DSCAM: variants seen among roughly 807,000 people sequenced by gnomAD.
DSCAM encodes DS cell adhesion molecule.
DSCAM carries 47 observed loss-of-function variants against 217.7 expected under a neutral mutation model. The ratio of observed to expected loss-of-function variants is 0.22; its 90% CI spans 0.17 to 0.28. The LOEUF (loss-of-function observed/expected upper bound fraction) is 0.28. Ranked by LOEUF, DSCAM falls within the 10% of genes least tolerant of loss-of-function variation. The pLI is 1.00. For missense variants in DSCAM, 2,080 were observed against 2,618.3 expected, an observed-to-expected ratio of 0.79 and a Z score of 4.49; for synonymous variants, 1,056 against 1,015.3, an observed-to-expected ratio of 1.04 and a Z score of -0.76.
intron 11 of DSCAM, among the ~76,000 whole-genome samples, chr21:40,274,414 GA>G (rs1453391054): frequency 2.0e-4 from 31 of 152,258 alleles, no homozygotes; most frequent in East Asian, 7.7e-4. Context: ...TGTCACTCAT[GA>G]GGGTAAGGCC....
chr21:40,812,891 T>C (rs970051165), intron 1 of DSCAM, among the ~76,000 whole-genome samples: 12 of 152,168 alleles, frequency 7.9e-5, no homozygotes, highest in African/African-American at 2.9e-4. Flanking sequence ...AGTAAAGAGA[T>C]TGTGGTCACC....
intron 1 of DSCAM, among the ~76,000 whole-genome samples, chr21:40,773,326 G>T (rs1367391559): frequency 2.0e-5 from 3 of 152,134 alleles, no homozygotes; most frequent in Admixed American, 2.0e-4. Flanking sequence ...TTAGCTTCTG[G>T]TATCTGCCAG....
intron 30 of DSCAM, among the ~76,000 whole-genome samples, chr21:40,045,788 A>T (rs2146484825): frequency 6.6e-6 from 1 of 152,308 alleles, no homozygotes; most frequent in South Asian, 2.1e-4. Flanking sequence ...GTTTCAAAGG[A>T]GCAAAACTGA....
intron 3 of DSCAM, among the ~76,000 whole-genome samples, chr21:40,549,479 C>G (rs896892594): frequency 3.9e-5 from 6 of 152,120 alleles, no homozygotes; most frequent in Admixed American, 2.6e-4. Flanking sequence ...AAGCAGTGGT[C>G]CTTACACTAC....
At chr21:40,657,699 C>T (rs1390936006) in intron 3 of DSCAM, among the ~76,000 whole-genome samples, 1 of 152,014 alleles carries the variant, frequency 6.6e-6, no homozygotes, top group Non-Finnish European at 1.5e-5. Flanking sequence ...GCAGGAGTAC[C>T]CATGCTGAAA....
chr21:40,165,549 C>T (rs2090585621), intron 16 of DSCAM, among the ~76,000 whole-genome samples: 1 of 152,228 alleles, frequency 6.6e-6, no homozygotes. Flanking sequence ...CCCTTTGGCA[C>T]TAAAGAGAAA....
intron 3 of DSCAM, among the ~76,000 whole-genome samples, chr21:40,486,908 G>A (rs1055691689): frequency 6.6e-6 from 1 of 152,080 alleles, no homozygotes. Context: ...GCTCCCTAGA[G>A]TACTTCTGCT....
Position 40,051,862 on chromosome 21 carries a change from T to A in DSCAM, c.5185+96A>T. 6.0e-6 allele frequency: 9 copies of A among 1,489,940 alleles called. No homozygotes were observed. The South Asian group carries it at 1.2e-4, about 20-fold the overall frequency. 92.3% of individuals were successfully genotyped at this position (1,489,940 alleles called of 1,614,324 possible). On this transcript the variant is annotated intron_variant, in intron 30 of 32. Transcript: ENST00000400454. ...CCCATTTGTTTCTCAGGCATAGGTATGAAAAGCCACACATTTTCATTTGAG... is the reference window on the plus strand; with the variant it reads ...CCCATTTGTTTCTCAGGCATAGGTAAGAAAAGCCACACATTTTCATTTGAG...
chr21:40,229,053 T>C (rs764097485), intron 11 of DSCAM, among the ~76,000 whole-genome samples: 9 of 152,204 alleles, frequency 5.9e-5, no homozygotes, highest in African/African-American at 1.4e-4. Context: ...TCCCACTTCA[T>C]GGTGAGAAAC....
chr21:40,791,445 G>C (rs1044469702), intron 1 of DSCAM, among the ~76,000 whole-genome samples: 18 of 152,158 alleles, frequency 1.2e-4, no homozygotes, highest in African/African-American at 4.3e-4. Flanking sequence ...ACGAGGTCAG[G>C]AGATCGAGAC....
At chr21:40,545,845 T>C (rs2146143101) in intron 3 of DSCAM, among the ~76,000 whole-genome samples, 1 of 152,324 alleles carries the variant, frequency 6.6e-6, no homozygotes, top group Middle Eastern at 3.4e-3. Context: ...CCAGCCAGTC[T>C]GTCACTGAGA....
intron 20 of DSCAM, among the ~76,000 whole-genome samples, chr21:40,100,118 C>T (rs941583977): frequency 6.6e-6 from 1 of 152,112 alleles, no homozygotes; most frequent in Non-Finnish European, 1.5e-5. Flanking sequence ...TGAAATGCCT[C>T]CAACAGAGGG....
At chr21:40,519,158 G>A (rs1031177197) in intron 3 of DSCAM, among the ~76,000 whole-genome samples, 10 of 152,122 alleles carry the variant, frequency 6.6e-5, no homozygotes, top group African/African-American at 2.4e-4. Flanking sequence ...TGTCCAGATA[G>A]CCCTTTATTT....
chr21:40,615,709 G>T (rs1445652175), intron 3 of DSCAM, among the ~76,000 whole-genome samples: 1 of 152,138 alleles, frequency 6.6e-6, no homozygotes, highest in East Asian at 1.9e-4. Flanking sequence ...AGTGGCCTGG[G>T]ATGTGTAATA....
chr21:40,283,266 T>C (rs1032616374), intron 10 of DSCAM, among the ~76,000 whole-genome samples: 1 of 152,202 alleles, frequency 6.6e-6, no homozygotes, highest in African/African-American at 2.4e-5. Flanking sequence ...GCACTTTAGG[T>C]AATTAGCTAG....
chr21:40,790,892 A>G (rs915946317), intron 1 of DSCAM, among the ~76,000 whole-genome samples: 2 of 152,112 alleles, frequency 1.3e-5, no homozygotes, highest in African/African-American at 4.8e-5. Flanking sequence ...AATACATTCA[A>G]TCGGCCAGGT....
intron 8 of DSCAM, among the ~76,000 whole-genome samples, chr21:40,336,641 T>A (rs762689126): frequency 2.0e-5 from 3 of 152,250 alleles, no homozygotes; most frequent in Non-Finnish European, 4.4e-5. Flanking sequence ...AGAAAATGTG[T>A]TGATATGGCA....
At chr21:40,737,216 T>C (rs1021886016) in intron 1 of DSCAM, among the ~76,000 whole-genome samples, 3 of 152,240 alleles carry the variant, frequency 2.0e-5, no homozygotes, top group Non-Finnish European at 4.4e-5. Context: ...CAGGCTTTAA[T>C]TTCACTGTAA....
At chr21:40,440,888 T>C (rs1479041412) in intron 3 of DSCAM, among the ~76,000 whole-genome samples, 1 of 152,228 alleles carries the variant, frequency 6.6e-6, no homozygotes, top group East Asian at 1.9e-4. Flanking sequence ...GCTAGTCCTA[T>C]TATTAATACA....
Sources: allele counts gnomAD v4.1 joint callset (sites outside exome capture counted in the v4.1 genomes callset), GRCh38; gene constraint gnomAD v4.1.1; transcripts MANE v1.5; gene names NCBI Gene and HGNC (gene_info 2026-07-23, HGNC 2026-07-21).